Variants in LRRC4C observed in about 807,000 individuals in gnomAD.
LRRC4C encodes leucine-rich repeat-containing protein 4C.
In LRRC4C, 5 loss-of-function variants were observed where a neutral mutation model predicts 33.6. The ratio of observed to expected loss-of-function variants is 0.15; its 90% CI spans 0.08 to 0.31. The LOEUF (loss-of-function observed/expected upper bound fraction) is 0.31, where lower values mean the gene tolerates loss of function less well. Ranked by LOEUF, LRRC4C falls within the 10% of genes least tolerant of loss-of-function variation. The pLI is 1.00. For synonymous variants in LRRC4C, 329 were observed against 302.0 expected, an observed-to-expected ratio of 1.09 and a Z score of -0.93; for missense variants, 560 against 796.7, an observed-to-expected ratio of 0.70 and a Z score of 3.58.
intron 1 of LRRC4C, among the ~76,000 whole-genome samples, chr11:41,151,540 G>A (rs892098283): frequency 6.6e-6 from 1 of 152,162 alleles, no homozygotes; most frequent in African/African-American, 2.4e-5. Context: ...AAGCAAACTT[G>A]TGAGAGAACA....
chr11:40,275,090 A>C (rs1207501887), intron 4 of LRRC4C, among the ~76,000 whole-genome samples: 1 of 152,182 alleles, frequency 6.6e-6, no homozygotes, highest in Non-Finnish European at 1.5e-5. Context: ...ACCTTCTACT[A>C]TTATAATCAT....
intron 5 of LRRC4C, among the ~76,000 whole-genome samples, chr11:40,195,097 A>G (rs1862156031): frequency 6.6e-6 from 1 of 152,036 alleles, no homozygotes; most frequent in South Asian, 2.1e-4. Flanking sequence ...TCTCAAAGAA[A>G]AAAAAAAAGA....
intron 5 of LRRC4C, among the ~76,000 whole-genome samples, chr11:40,158,001 A>G (rs949523091): frequency 6.6e-6 from 1 of 152,224 alleles, no homozygotes; most frequent in African/African-American, 2.4e-5. Flanking sequence ...TTGCAAAATC[A>G]TGAAACCAAC....
At chr11:41,056,454 C>T (rs1396353698) in intron 1 of LRRC4C, among the ~76,000 whole-genome samples, 1 of 152,096 alleles carries the variant, frequency 6.6e-6, no homozygotes, top group Non-Finnish European at 1.5e-5. Context: ...CATCAAAAGA[C>T]ATTATCAACA....
chr11:41,227,715 A>G (rs941689612), intron 1 of LRRC4C, among the ~76,000 whole-genome samples: 26 of 152,040 alleles, frequency 1.7e-4, no homozygotes, highest in African/African-American at 6.0e-4. Flanking sequence ...TATAGTTTAA[A>G]TAATTGAAGT....
At chr11:41,230,445 C>A (rs924565923) in intron 1 of LRRC4C, among the ~76,000 whole-genome samples, 2 of 152,052 alleles carry the variant, frequency 1.3e-5, no homozygotes, top group African/African-American at 4.8e-5. Flanking sequence ...ACTTTCTCAG[C>A]CTCCTTTACC....
intron 2 of LRRC4C, among the ~76,000 whole-genome samples, chr11:40,720,809 G>A (rs1946974447): frequency 6.6e-6 from 1 of 152,160 alleles, no homozygotes; most frequent in Non-Finnish European, 1.5e-5. Context: ...GTGATTTATA[G>A]TATGATGTAT....
intron 2 of LRRC4C, among the ~76,000 whole-genome samples, chr11:40,810,772 A>G (rs1951455254): frequency 6.6e-6 from 1 of 152,152 alleles, no homozygotes; most frequent in South Asian, 2.1e-4. Context: ...TTTGGTGCCC[A>G]AAATATATCC....
At chr11:40,653,483 G>A (rs971840305) in intron 2 of LRRC4C, among the ~76,000 whole-genome samples, 2 of 152,174 alleles carry the variant, frequency 1.3e-5, no homozygotes, top group Non-Finnish European at 2.9e-5. Flanking sequence ...GTGGAACTTT[G>A]AACTTGAGAG....
intron 3 of LRRC4C, among the ~76,000 whole-genome samples, chr11:40,535,188 TA>T (rs1956421061): frequency 6.6e-6 from 1 of 152,296 alleles, no homozygotes; most frequent in Non-Finnish European, 1.5e-5. Flanking sequence ...TTAATTTTCT[TA>T]ATGTAAAGAA....
At chr11:40,262,314 A>G (rs1470163553) in intron 4 of LRRC4C, among the ~76,000 whole-genome samples, 1 of 152,202 alleles carries the variant, frequency 6.6e-6, no homozygotes, top group Admixed American at 6.5e-5. Context: ...AATGGCAATC[A>G]TTAAAAAGTC....
At chr11:41,439,306 A>C (rs1023587719) in intron 1 of LRRC4C, among the ~76,000 whole-genome samples, 6 of 152,174 alleles carry the variant, frequency 3.9e-5, no homozygotes, top group Non-Finnish European at 5.9e-5. Context: ...TGATTCCATT[A>C]CTTTATTATT....
At chr11:41,276,061 G>T (rs2136886368) in intron 1 of LRRC4C, among the ~76,000 whole-genome samples, 1 of 152,298 alleles carries the variant, frequency 6.6e-6, no homozygotes, top group Non-Finnish European at 1.5e-5. Context: ...AAAAGTATGT[G>T]CAAAGAGAAG....
chr11:41,346,659 C>A (rs527820241), intron 1 of LRRC4C, among the ~76,000 whole-genome samples: 1 of 152,162 alleles, frequency 6.6e-6, no homozygotes, highest in Admixed American at 6.5e-5. Context: ...CAAAATACTG[C>A]AAATGCACTC....
intron 1 of LRRC4C, among the ~76,000 whole-genome samples, chr11:41,163,537 G>T (rs536731731): frequency 2.8e-4 from 42 of 151,474 alleles, no homozygotes; most frequent in Non-Finnish European, 4.9e-4. Flanking sequence ...GCTTACCTCG[G>T]CCTCCTAAAG....
At chr11:40,474,958 A>G (rs977481206) in intron 3 of LRRC4C, among the ~76,000 whole-genome samples, 2 of 152,178 alleles carry the variant, frequency 1.3e-5, no homozygotes, top group Non-Finnish European at 2.9e-5. Flanking sequence ...AACAACAGAT[A>G]CTGCAGAGGA....
At chr11:40,999,340 C>A (rs1220238691) in intron 1 of LRRC4C, among the ~76,000 whole-genome samples, 1 of 152,250 alleles carries the variant, frequency 6.6e-6, no homozygotes, top group African/African-American at 2.4e-5. Context: ...AAGGTATCCA[C>A]ATTTTAAAAA....
At chr11:40,856,809 A>G (rs191116157) in intron 2 of LRRC4C, among the ~76,000 whole-genome samples, 2 of 152,364 alleles carry the variant, frequency 1.3e-5, no homozygotes, top group East Asian at 3.9e-4. Flanking sequence ...TGCAGAGAAC[A>G]GCTGTCCCAT....
chr11:41,386,368 T>C (rs1953360554), intron 1 of LRRC4C, among the ~76,000 whole-genome samples: 1 of 151,670 alleles, frequency 6.6e-6, no homozygotes, highest in African/African-American at 2.4e-5. Flanking sequence ...AAAAATAGTA[T>C]AGAGAGTTCC....
Sources: allele counts gnomAD v4.1 joint callset (sites outside exome capture counted in the v4.1 genomes callset), GRCh38; gene constraint gnomAD v4.1.1; transcripts MANE v1.5; gene names NCBI Gene and HGNC (gene_info 2026-07-23, HGNC 2026-07-21).